The following PDZD8 variants were observed in gnomAD, a reference collection of about 807,000 sequenced individuals.
PDZD8 encodes PDZ domain-containing protein 8.
A neutral mutation model predicts 85.8 loss-of-function variants in PDZD8; 14 were observed. That is an observed-to-expected ratio of 0.16 (90% CI 0.11 to 0.26). The LOEUF is 0.26. Ranked by LOEUF, PDZD8 falls within the 10% of genes least tolerant of loss-of-function variation. The probability of loss-of-function intolerance (pLI) is 1.00; values close to 1 mark genes in which losing one functional copy is unlikely to be tolerated. For synonymous variants in PDZD8, 592 were observed against 568.6 expected, an observed-to-expected ratio of 1.04 and a Z score of -0.59; for missense variants, 1,197 against 1,424.3, an observed-to-expected ratio of 0.84 and a Z score of 2.57.
At chr10:117,292,900 C>T (rs1050011607) in intron 3 of PDZD8, among the ~76,000 whole-genome samples, 1 of 151,800 alleles carries the variant, frequency 6.6e-6, no homozygotes, top group African/African-American at 2.4e-5. Context: ...GGGAACAGAA[C>T]ATAAGACACT....
intron 1 of PDZD8, among the ~76,000 whole-genome samples, chr10:117,351,359 A>C (rs944380542): frequency 1.3e-5 from 2 of 152,230 alleles, no homozygotes; most frequent in African/African-American, 2.4e-5. Flanking sequence ...AATCTCACAA[A>C]CTACTCTTGA....
chr10:117,347,033 T>C (rs947248646), intron 1 of PDZD8, among the ~76,000 whole-genome samples: 1 of 152,074 alleles, frequency 6.6e-6, no homozygotes, highest in Non-Finnish European at 1.5e-5. Context: ...CTCTCTCTTT[T>C]CTTTTTCTAT....
Position 117,284,018 on chromosome 10 carries a change from A to T in PDZD8, c.2715T>A (p.Leu905=), listed in dbSNP as rs1413969556. 6.2e-7 allele frequency: 1 copy of T among 1,614,164 alleles called. No individual in the cohort carries two copies. Among genetic ancestry groups the T allele is most frequent in the South Asian group, 1.1e-5 (1 of 91,080 alleles). Residue 905 remains leucine (L), a synonymous_variant, in exon 5 of 5, where the codon CTT becomes CTA. Coordinates refer to ENST00000334464, the MANE Select transcript of PDZD8 (RefSeq NM_173791.5). ...DRRIDRTLKN[L]RLEGQETLLG... ...AGAGGGTTTCCTGTCCTTCCAGCCT[A>T]AGGTTTTTCAGTGTCCTGTCTATTC...
At position 117,277,420 on chromosome 10, in the gene PDZD8, T is replaced by A. The variant is rs1844515493; in HGVS notation, c.*5848A>T. On this transcript the variant is annotated 3_prime_UTR_variant, in exon 5 of 5. Transcript: ENST00000334464. ...TTTCCTTTCCATGGTTATGGTCGATTGCCAACAGCCTTATAAAGAAAAAGA... is the reference window on the plus strand; with the variant it reads ...TTTCCTTTCCATGGTTATGGTCGATAGCCAACAGCCTTATAAAGAAAAAGA... The A allele has an allele frequency of 2.1e-6, 1 of 470,434 alleles. No homozygotes were observed. The highest frequency in any genetic ancestry group is 2.0e-5 in the African/African-American group (1 of 49,830). The allele number at this position is 470,434 out of a possible 1,614,324, so 29.1% of individuals were successfully genotyped here.
rs1351597378 is a variant in PDZD8, at chr10:117,374,667, G to A, written c.561C>T (p.Pro187=). Residue 187 remains proline (P), a synonymous_variant, in exon 1 of 5, where the codon CCC becomes CCT. Coordinates refer to ENST00000334464, the MANE Select transcript of PDZD8 (RefSeq NM_173791.5). This position sits in a 1 kb window ranked among gnomAD's most constrained non-coding sequence, Gnocchi z 7.8. ...PEGEALPAAC[P]EELAFEAEVE... The stretch of plus-strand genomic sequence containing the variant: ...CCTCCGCCTCGAAGGCCAGCTCCTC[G>A]GGGCAGGCGGCGGGCAGCGCCTCCC... 1.3e-6 allele frequency: 2 copies of A among 1,588,074 alleles called. No homozygotes were observed. Among genetic ancestry groups the A allele is most frequent in the South Asian group, 2.3e-5 (2 of 88,716 alleles).
intron 1 of PDZD8, among the ~76,000 whole-genome samples, chr10:117,365,926 G>C (rs1175678373): frequency 6.6e-6 from 1 of 152,082 alleles, no homozygotes; most frequent in Non-Finnish European, 1.5e-5. Flanking sequence ...TGTTGAGTCA[G>C]TATTTAACTT....
At chr10:117,304,876 T>C (rs1036855113) in intron 3 of PDZD8, among the ~76,000 whole-genome samples, 11 of 152,178 alleles carry the variant, frequency 7.2e-5, no homozygotes, top group African/African-American at 2.7e-4. Flanking sequence ...GTTTCAGGTA[T>C]GTCTTTATCA....
Position 117,282,589 on chromosome 10 carries a change from C to A in PDZD8, c.*679G>T, listed in dbSNP as rs74159163. On this transcript the variant is annotated 3_prime_UTR_variant, in exon 5 of 5. Coordinates refer to ENST00000334464, the MANE Select transcript of PDZD8 (RefSeq NM_173791.5). Reference sequence around the variant, plus strand: ...ACCATATTTTTACCATACAGCTGCACAAAAGCTTTAGAAAAAAATTTCACA... The same window carrying A: ...ACCATATTTTTACCATACAGCTGCAAAAAAGCTTTAGAAAAAAATTTCACA... 1 of 151,990 alleles carries A rather than the reference C, an allele frequency of 6.6e-6. No homozygotes were observed. Among genetic ancestry groups the A allele is most frequent in the African/African-American group, 2.4e-5 (1 of 41,358 alleles). 9.4% of individuals were successfully genotyped at this position (151,990 alleles called of 1,614,324 possible).
intron 3 of PDZD8, among the ~76,000 whole-genome samples, chr10:117,316,877 A>C (rs1192311364): frequency 6.6e-6 from 1 of 152,120 alleles, no homozygotes; most frequent in African/African-American, 2.4e-5. Context: ...CTGGCCAATG[A>C]GATATAACTG....
intron 2 of PDZD8, among the ~76,000 whole-genome samples, chr10:117,333,425 A>T (rs1844464312): frequency 6.6e-6 from 1 of 152,086 alleles, no homozygotes; most frequent in African/African-American, 2.4e-5. Flanking sequence ...ATTTTTCCTT[A>T]AAAAAATGTC....
At position 117,277,878 on chromosome 10, in the gene PDZD8, A is replaced by C. The variant is rs764500840; in HGVS notation, c.*5390T>G. 4 of 152,208 alleles carry C rather than the reference A, an allele frequency of 2.6e-5. No individual in the cohort carries two copies. The highest frequency in any genetic ancestry group is 4.8e-5 in the African/African-American group (2 of 41,444). 9.4% of individuals were successfully genotyped at this position (152,208 alleles called of 1,614,324 possible). On this transcript the variant is annotated 3_prime_UTR_variant, in exon 5 of 5. Coordinates refer to ENST00000334464, the MANE Select transcript of PDZD8 (RefSeq NM_173791.5). Reference sequence around the variant, plus strand: ...CTTAGCTGGCATTAGTTTTCTATGTAATCACCTACCTAGAGAGAGTTGTAA... The same window carrying C: ...CTTAGCTGGCATTAGTTTTCTATGTCATCACCTACCTAGAGAGAGTTGTAA...
intron 3 of PDZD8, among the ~76,000 whole-genome samples, chr10:117,308,562 A>T (rs1440800910): frequency 6.6e-6 from 1 of 152,092 alleles, no homozygotes; most frequent in East Asian, 1.9e-4. Context: ...AGTTACTATT[A>T]CCTCTACTGT....
rs1012859779 is a variant in PDZD8, at chr10:117,279,688, G to C, written c.*3580C>G. 5 of 152,104 alleles carry C rather than the reference G, an allele frequency of 3.3e-5. No homozygotes were observed. The highest frequency in any genetic ancestry group is 7.4e-5 in the Non-Finnish European group (5 of 68,024). 9.4% of individuals were successfully genotyped at this position (152,104 alleles called of 1,614,324 possible). A position where few individuals can be genotyped will look rare whatever the true frequency, so the allele number is the denominator to read the frequency against. ...TTCCATCTATAAACATTGTTGTCCT[G>C]ATGGTTGTCAACAAATAACCATATC... On this transcript the variant is annotated 3_prime_UTR_variant, in exon 5 of 5. Coordinates refer to ENST00000334464, the MANE Select transcript of PDZD8 (RefSeq NM_173791.5).
At chr10:117,287,871 A>C (rs1156597846) in intron 4 of PDZD8, among the ~76,000 whole-genome samples, 1 of 152,232 alleles carries the variant, frequency 6.6e-6, no homozygotes, top group Non-Finnish European at 1.5e-5. Flanking sequence ...TTTAAGTTCT[A>C]CTACGTCCTT....
Position 117,339,669 on chromosome 10 carries a change from G to A in PDZD8, c.995+1311C>T, listed in dbSNP as rs1844577402. On this transcript the variant is annotated intron_variant, in intron 2 of 4. Coordinates refer to ENST00000334464, the MANE Select transcript of PDZD8 (RefSeq NM_173791.5). ...ACTGGCACACAGCCACATTCATTCAGTTACACATTATCTGTGACTGCTTCT... is the reference window on the plus strand; with the variant it reads ...ACTGGCACACAGCCACATTCATTCAATTACACATTATCTGTGACTGCTTCT... Among the ~76,000 whole-genome samples, 7 of 152,300 alleles carry A rather than the reference G, an allele frequency of 4.6e-5. No homozygotes were observed. The Middle Eastern group carries it at 0.014, about 296-fold the overall frequency.
intron 1 of PDZD8, among the ~76,000 whole-genome samples, chr10:117,350,641 C>T (rs1219942000): frequency 6.6e-6 from 1 of 151,272 alleles, no homozygotes; most frequent in Admixed American, 6.6e-5. Flanking sequence ...CGGTGGCTCA[C>T]GCCTGTAATC....
At chr10:117,371,956 A>AG (rs1168417948) in intron 1 of PDZD8, among the ~76,000 whole-genome samples, 4 of 152,124 alleles carry the variant, frequency 2.6e-5, no homozygotes, top group Non-Finnish European at 4.4e-5. Flanking sequence ...CAAACAAACG[A>AG]AAAACACAAA....
At position 117,284,787 on chromosome 10, in the gene PDZD8, T is replaced by G; in HGVS notation, c.1946A>C (p.Lys649Thr). The G allele has an allele frequency of 6.2e-7, 1 of 1,614,222 alleles. No homozygotes were observed. The highest frequency in any genetic ancestry group is 1.1e-5 in the South Asian group (1 of 91,084). The change falls in exon 5 of 5, where the codon AAG becomes ACG. Residue 649 changes from lysine (K) to threonine (T), a missense_variant. Lys to Thr is a moderately conservative substitution (Grantham distance 78, BLOSUM62 -1). Transcript: ENST00000334464. ...CACTTCTTGCTTTGCTAAAAATTGC[T>G]TAGGTGCAGCTGCATCGTCTATGGC... Reference protein sequence around the residue: ...VDAIDDAAAPKQFLAKQEVAK... With the variant: ...VDAIDDAAAPTQFLAKQEVAK...
At chr10:117,365,325 G>C (rs1392748562) in intron 1 of PDZD8, among the ~76,000 whole-genome samples, 2 of 152,026 alleles carry the variant, frequency 1.3e-5, no homozygotes, top group Non-Finnish European at 2.9e-5. Context: ...GAAAACTCAA[G>C]ATACAGTAAG....
Sources: allele counts gnomAD v4.1 joint callset (sites outside exome capture counted in the v4.1 genomes callset), GRCh38; gene constraint gnomAD v4.1.1; non-coding constraint Gnocchi (gnomAD v3.1); transcripts MANE v1.5; gene names NCBI Gene and HGNC (gene_info 2026-07-23, HGNC 2026-07-21).